Variants in PEPD observed in about 807,000 individuals in gnomAD.
PEPD encodes peptidase D.
In PEPD, 53 loss-of-function variants were observed where a neutral mutation model predicts 60.7. The observed-to-expected ratio is 0.87, with a 90% confidence interval of 0.70 to 1.10. The LOEUF (loss-of-function observed/expected upper bound fraction) is 1.10, where lower values mean the gene tolerates loss of function less well. Among genes scored for constraint, PEPD ranks in the 50% least tolerant of loss-of-function variants. The pLI is 0.00. For missense variants in PEPD, 711 were observed against 711.9 expected (o/e 1.00, Z 0.01); for synonymous variants, 267 against 284.1 (o/e 0.94, Z 0.60).
At chr19:33,454,185 T>C (rs1164209087) in intron 9 of PEPD, among the ~76,000 whole-genome samples, 1 of 152,086 alleles carries the variant, frequency 6.6e-6, no homozygotes, top group African/African-American at 2.4e-5. Flanking sequence ...AATGACGGGG[T>C]GCATCAGAAA....
intron 12 of PEPD, among the ~76,000 whole-genome samples, chr19:33,393,493 G>A (rs544448476): frequency 6.2e-4 from 92 of 147,872 alleles, no homozygotes; most frequent in Non-Finnish European, 1.3e-3. Flanking sequence ...CCCCGCCTCC[G>A]TGAGCCTCAG....
intron 9 of PEPD, among the ~76,000 whole-genome samples, chr19:33,440,952 G>T (rs1969470142): frequency 6.6e-6 from 1 of 152,202 alleles, no homozygotes; most frequent in African/African-American, 2.4e-5. Flanking sequence ...GACTTCCCAG[G>T]ATGGGTGGTG....
chr19:33,394,393 G>A (rs1221494461), intron 12 of PEPD, among the ~76,000 whole-genome samples: 1 of 152,230 alleles, frequency 6.6e-6, no homozygotes, highest in Non-Finnish European at 1.5e-5. Flanking sequence ...GCCCAGATGT[G>A]CCGGCCCGGG....
At chr19:33,490,124 G>A in intron 5 of PEPD, 67 bp from the exon 6 acceptor site, 5 of 1,103,938 alleles carry the variant, frequency 4.5e-6, no homozygotes, top group Non-Finnish European at 6.9e-6. Flanking sequence ...GCACCCCTGA[G>A]GCCTCCAGCT....
At chr19:33,441,483 G>C (rs1435421673) in intron 9 of PEPD, among the ~76,000 whole-genome samples, 1 of 152,222 alleles carries the variant, frequency 6.6e-6, no homozygotes, top group Non-Finnish European at 1.5e-5. Context: ...ACCTTGCTCA[G>C]ACCTGCACGT....
At chr19:33,495,160 T>C (rs1179467023) in intron 4 of PEPD, among the ~76,000 whole-genome samples, 2 of 151,888 alleles carry the variant, frequency 1.3e-5, no homozygotes, top group Non-Finnish European at 2.9e-5. Flanking sequence ...ATCTAATAAT[T>C]AGCAATTATA....
intron 9 of PEPD, among the ~76,000 whole-genome samples, chr19:33,435,221 C>T (rs1400803555): frequency 2.0e-5 from 3 of 152,244 alleles, no homozygotes; most frequent in Non-Finnish European, 2.9e-5. Flanking sequence ...CATTTCCAAA[C>T]CCAAAGGCCC....
intron 1 of PEPD, among the ~76,000 whole-genome samples, chr19:33,520,468 T>C (rs572446376): frequency 5.9e-4 from 90 of 152,332 alleles, no homozygotes; most frequent in African/African-American, 2.0e-3. Flanking sequence ...TCAGAGTCCA[T>C]GCCCCTCCTT....
At chr19:33,484,038 AG>A (rs1375833184) in intron 6 of PEPD, among the ~76,000 whole-genome samples, 5 of 152,064 alleles carry the variant, frequency 3.3e-5, no homozygotes, top group Non-Finnish European at 5.9e-5. Flanking sequence ...GACAGGGGAG[AG>A]AAGAGAGAAG....
chr19:33,441,286 G>C (rs1000657897), intron 9 of PEPD, among the ~76,000 whole-genome samples: 221 of 152,274 alleles, frequency 1.5e-3, no homozygotes, highest in African/African-American at 2.3e-3. Context: ...TTTGGCCCTG[G>C]GACCACCTGG....
At position 33,414,449 on chromosome 19, in the gene PEPD, C is replaced by T. The variant is rs60337823; in HGVS notation, c.672-806G>A. The stretch of plus-strand genomic sequence containing the variant: ...GACTGAGCCATTCTGCCTTGGTCTT[C>T]CTCTACTGAACCCAGCTGGTGAGGG... On this transcript the variant is annotated intron_variant, in intron 9 of 14. Coordinates refer to ENST00000244137, the MANE Select transcript of PEPD (RefSeq NM_000285.4). Among the ~76,000 whole-genome samples the T allele has an allele frequency of 3.5e-3, 536 of 152,326 alleles. 6 individuals carry two copies. Among genetic ancestry groups the T allele is most frequent in the African/African-American group, 0.012 (499 of 41,562 alleles).
chr19:33,435,979 T>C (rs1357793254), intron 9 of PEPD, among the ~76,000 whole-genome samples: 2 of 152,130 alleles, frequency 1.3e-5, no homozygotes, highest in African/African-American at 4.8e-5. Context: ...GGGCAGCTGC[T>C]GGAGGAGAAT....
At chr19:33,445,343 C>T (rs779395537) in intron 9 of PEPD, among the ~76,000 whole-genome samples, 3 of 152,204 alleles carry the variant, frequency 2.0e-5, no homozygotes, top group African/African-American at 4.8e-5. Context: ...AGTGTTCCCC[C>T]AAATTTATAC....
At chr19:33,398,507 G>A (rs899605618) in intron 12 of PEPD, among the ~76,000 whole-genome samples, 18 of 152,218 alleles carry the variant, frequency 1.2e-4, no homozygotes, top group African/African-American at 4.3e-4. Flanking sequence ...GCTGTGCCCG[G>A]CGGAGGGCTC....
At chr19:33,489,726 C>T (rs1970462108) in intron 6 of PEPD, among the ~76,000 whole-genome samples, 1 of 152,056 alleles carries the variant, frequency 6.6e-6, no homozygotes, top group Non-Finnish European at 1.5e-5. Context: ...CCCACCTGTG[C>T]CTGCCCCTGC....
chr19:33,477,686 C>T (rs894535768), intron 7 of PEPD, among the ~76,000 whole-genome samples: 4 of 152,194 alleles, frequency 2.6e-5, no homozygotes, highest in Admixed American at 6.5e-5. Flanking sequence ...AAGACACATG[C>T]GTGACATGTT....
chr19:33,514,989 C>T (rs929634832), intron 1 of PEPD, among the ~76,000 whole-genome samples: 4 of 152,168 alleles, frequency 2.6e-5, no homozygotes, highest in African/African-American at 9.6e-5. Flanking sequence ...GCTAACACAA[C>T]ACTTAGCACA....
chr19:33,466,769 AGAAAT>A (rs147766240), intron 7 of PEPD, among the ~76,000 whole-genome samples: 15,998 of 149,828 alleles, frequency 0.11, 1,121 homozygotes, highest in East Asian at 0.24. Flanking sequence ...AAAAAAAAAA[AGAAAT>A]AAAAATTTTT....
intron 9 of PEPD, among the ~76,000 whole-genome samples, chr19:33,431,209 A>C (rs1213852388): frequency 1.4e-5 from 2 of 138,332 alleles, no homozygotes; most frequent in Non-Finnish European, 3.1e-5. Flanking sequence ...GGAGAGAGGG[A>C]GGGAGGGAAG....
Sources: gnomAD v4.1 joint callset for allele counts (sites outside exome capture counted in the v4.1 genomes callset) on GRCh38, gnomAD v4.1.1 for gene constraint, MANE v1.5 for transcripts, NCBI Gene and HGNC (gene_info 2026-07-23, HGNC 2026-07-21) for gene names.